Variants in CCDC3 observed in about 807,000 individuals in gnomAD.
The protein encoded by CCDC3 is coiled-coil domain-containing protein 3.
In CCDC3, 24 loss-of-function variants were observed where a neutral mutation model predicts 21.4. The observed-to-expected ratio is 1.12, with a 90% CI of 0.81 to 1.58. The LOEUF (loss-of-function observed/expected upper bound fraction) is 1.58, where lower values mean the gene tolerates loss of function less well. Among genes scored for constraint, CCDC3 ranks in the 40% most tolerant of loss-of-function variants. CCDC3 has a pLI of 0.00. For synonymous variants in CCDC3, 186 were observed against 166.0 expected, an observed-to-expected ratio of 1.12 and a Z score of -0.93; for missense variants, 425 against 360.9, an observed-to-expected ratio of 1.18 and a Z score of -1.44.
chr10:13,073,570 T>C (rs1836913245), intron 4 of CCDC3, among the ~76,000 whole-genome samples: 1 of 151,940 alleles, frequency 6.6e-6, no homozygotes, highest in Non-Finnish European at 1.5e-5. Context: ...AACCTCCCCC[T>C]CCTAGGCTCA....
chr10:13,041,505 T>TTA (rs1836454724), intron 5 of CCDC3, among the ~76,000 whole-genome samples: 3 of 4,594 alleles, frequency 6.5e-4, no homozygotes, highest in African/African-American at 9.3e-4. Flanking sequence ...TGGCAGATAA[T>TTA]TTTTTTTTTT....
At chr10:13,078,426 T>G (rs1162619322) in intron 3 of CCDC3, among the ~76,000 whole-genome samples, 1 of 152,182 alleles carries the variant, frequency 6.6e-6, no homozygotes, top group Non-Finnish European at 1.5e-5. Context: ...TGTAAACTAG[T>G]TCAACCATTG....
At chr10:13,032,310 T>C (rs1474728486) in intron 5 of CCDC3, among the ~76,000 whole-genome samples, 2 of 152,214 alleles carry the variant, frequency 1.3e-5, no homozygotes, top group Non-Finnish European at 2.9e-5. Flanking sequence ...CTAAAAATTC[T>C]CAATAAACTA....
At chr10:12,918,227 C>T (rs1165547643) in intron 2 of CCDC3, among the ~76,000 whole-genome samples, 2 of 152,158 alleles carry the variant, frequency 1.3e-5, no homozygotes, top group African/African-American at 4.8e-5. Flanking sequence ...TGCCATATGA[C>T]TTTTGTTAAA....
chr10:12,907,410 T>G (rs1423183875), intron 2 of CCDC3, among the ~76,000 whole-genome samples: 1 of 152,156 alleles, frequency 6.6e-6, no homozygotes, highest in Non-Finnish European at 1.5e-5. Flanking sequence ...TTTGGGAGGC[T>G]GAGGTGGGAG....
intron 3 of CCDC3, among the ~76,000 whole-genome samples, chr10:13,077,679 C>G (rs1042507160): frequency 1.1e-4 from 17 of 152,120 alleles, no homozygotes; most frequent in African/African-American, 1.4e-4. Context: ...CAATGGAACA[C>G]AACAGAGCCC....
intron 5 of CCDC3, among the ~76,000 whole-genome samples, chr10:13,020,867 A>G (rs1050020928): frequency 3.3e-5 from 5 of 152,258 alleles, no homozygotes; most frequent in African/African-American, 1.2e-4. Context: ...CTTATTAAAG[A>G]AAATAAAACA....
chr10:12,927,125 T>C (rs1483523042), intron 2 of CCDC3, among the ~76,000 whole-genome samples: 1 of 152,184 alleles, frequency 6.6e-6, no homozygotes, highest in East Asian at 1.9e-4. Context: ...AAATTATTTT[T>C]AAAATGGAAA....
Position 12,983,105 on chromosome 10 carries a change from A to T in CCDC3, c.549+15233T>A, listed in dbSNP as rs574252702. 2.8e-5 allele frequency among the ~76,000 whole-genome samples: 4 copies of T among 143,482 alleles called. No homozygotes were observed. In the East Asian group the frequency reaches 8.1e-4, roughly 29 times the overall value. 94.1% of individuals were successfully genotyped at this position (143,482 alleles called of 152,430 possible). On this transcript the variant is annotated intron_variant, in intron 2 of 2. Transcript: ENST00000378825. ...CCACCCTGGGTGATGGCTGTCTCAA[A>T]AAATAAATAAATAAATAAAATAGTG... is the stretch of plus-strand genomic sequence containing the variant.
chr10:12,984,277 T>C (rs914089466), intron 2 of CCDC3, among the ~76,000 whole-genome samples: 11 of 152,210 alleles, frequency 7.2e-5, no homozygotes, highest in African/African-American at 2.7e-4. Context: ...AAGGACACTA[T>C]GCAAATGCCC....
At chr10:13,066,484 CT>C (rs1207318766) in intron 4 of CCDC3, among the ~76,000 whole-genome samples, 2 of 152,190 alleles carry the variant, frequency 1.3e-5, no homozygotes. Flanking sequence ...TTGTAATATT[CT>C]TTTGTAAGAA....
intron 2 of CCDC3, among the ~76,000 whole-genome samples, chr10:12,921,741 G>GT (rs1401368625): frequency 5.1e-5 from 7 of 136,492 alleles, no homozygotes; most frequent in African/African-American, 1.0e-4. Context: ...GCCGGTTTCT[G>GT]TTTTTTGTTT....
intron 2 of CCDC3, among the ~76,000 whole-genome samples, chr10:12,964,148 G>T (rs61851346): frequency 0.37 from 56,622 of 151,876 alleles, 11,331 homozygotes; most frequent in East Asian, 0.52. Flanking sequence ...TGAAGCAAGC[G>T]GATCACTTGA....
chr10:12,986,697 C>A (rs553611554), intron 2 of CCDC3, among the ~76,000 whole-genome samples: 1 of 150,740 alleles, frequency 6.6e-6, no homozygotes, highest in Non-Finnish European at 1.5e-5. Flanking sequence ...TGGCGTGACG[C>A]GGGAGGCGGA....
At chr10:13,008,662 T>C (rs74119579) in intron 5 of CCDC3, among the ~76,000 whole-genome samples, 2,034 of 152,346 alleles carry the variant, frequency 0.013, 48 homozygotes, top group African/African-American at 0.046. Flanking sequence ...GAAATCAATA[T>C]AGTTGCATGT....
At chr10:13,085,538 G>A (rs1219893039) in intron 3 of CCDC3, among the ~76,000 whole-genome samples, 1 of 152,206 alleles carries the variant, frequency 6.6e-6, no homozygotes, top group African/African-American at 2.4e-5. Context: ...GTGGGGCTTT[G>A]TAATGCATAT....
At chr10:12,908,935 C>G (rs1834220723) in intron 2 of CCDC3, among the ~76,000 whole-genome samples, 1 of 152,096 alleles carries the variant, frequency 6.6e-6, no homozygotes, top group African/African-American at 2.4e-5. Flanking sequence ...ATGGTGAGTG[C>G]AGAGAAGGTG....
intron 2 of CCDC3, among the ~76,000 whole-genome samples, chr10:12,928,194 C>A (rs901938785): frequency 2.0e-5 from 3 of 152,178 alleles, no homozygotes; most frequent in Non-Finnish European, 4.4e-5. Context: ...TGAGGTTAGT[C>A]AGCCAGTACT....
intron 2 of CCDC3, among the ~76,000 whole-genome samples, chr10:12,932,587 T>A (rs962762639): frequency 7.2e-5 from 11 of 152,210 alleles, no homozygotes; most frequent in Non-Finnish European, 1.0e-4. Flanking sequence ...GGGAATTTTC[T>A]ACATAACCAA....
Sources: allele counts gnomAD v4.1 joint callset (sites outside exome capture counted in the v4.1 genomes callset), GRCh38; gene constraint gnomAD v4.1.1; transcripts MANE v1.5; gene names NCBI Gene and HGNC (gene_info 2026-07-23, HGNC 2026-07-21).